SLC26A3: variants seen among roughly 807,000 people sequenced by gnomAD.
The protein encoded by SLC26A3 is chloride anion exchanger.
Under a neutral mutation model 85.6 loss-of-function variants are expected in SLC26A3, and 64 were observed. That is an observed-to-expected ratio of 0.75 (90% confidence interval 0.61 to 0.92). The LOEUF (loss-of-function observed/expected upper bound fraction) is 0.92, where lower values mean the gene tolerates loss of function less well. Among genes scored for constraint, SLC26A3 ranks in the 40% least tolerant of loss-of-function variants. The probability of loss-of-function intolerance (pLI) is 0.00; values close to 1 mark genes in which losing one functional copy is unlikely to be tolerated. For synonymous variants in SLC26A3, 349 were observed against 336.0 expected (o/e 1.04, Z -0.42); for missense variants, 922 against 927.3 (o/e 0.99, Z 0.07).
intron 1 of SLC26A3, among the ~76,000 whole-genome samples, chr7:107,799,509 G>T (rs953413881): frequency 2.6e-5 from 4 of 152,020 alleles, no homozygotes; most frequent in Non-Finnish European, 4.4e-5. Context: ...TCTTGCTTCA[G>T]CCTCCCGAGT....
chr7:107,778,040 G>A, intron 13 of SLC26A3, 135 bp downstream of exon 13: 1 of 716,868 alleles, frequency 1.4e-6, no homozygotes, highest in Admixed American at 2.0e-5. Context: ...CTGGAGGGAG[G>A]ATAAACTGCC....
rs751259567 is a variant in SLC26A3, at chr7:107,774,025, A to G, written c.1902T>C (p.Asp634=). The change falls in exon 17 of 21, where the codon GAT becomes GAC. Residue 634 remains aspartate (D), a synonymous_variant. Coordinates refer to ENST00000340010, the MANE Select transcript of SLC26A3 (RefSeq NM_000111.3). ...DLPFHIDWND[D]LPLNIEVPKI... ...TGGGGACCTCAATGTTGAGAGGAAG[A>G]TCATCATTCCAGTCAATGTGGAAAG... 2.5e-6 allele frequency: 4 copies of G among 1,613,952 alleles called. No homozygotes were observed. The highest frequency in any genetic ancestry group is 3.4e-6 in the Non-Finnish European group (4 of 1,179,918).
intron 20 of SLC26A3, 46 bp from the exon 21 acceptor site, chr7:107,765,924 C>T: frequency 6.4e-7 from 1 of 1,556,090 alleles, no homozygotes; most frequent in Non-Finnish European, 8.9e-7. Flanking sequence ...TCGTCAAGTT[C>T]TGTTACAATA....
At chr7:107,769,032 G>C (rs1276727774) in intron 18 of SLC26A3, among the ~76,000 whole-genome samples, 2 of 152,138 alleles carry the variant, frequency 1.3e-5, no homozygotes. Flanking sequence ...CAAAATATCT[G>C]GGATGATGAG....
rs756632280 is a variant in SLC26A3 at position 107,783,013 on chromosome 7, T to A, written c.1200A>T (p.Ser400=). The A allele has an allele frequency of 3.7e-6, 6 of 1,614,206 alleles. No homozygotes were observed. The highest frequency in any genetic ancestry group is 5.1e-6 in the Non-Finnish European group (6 of 1,180,004). The change falls in exon 10 of 21, where the codon TCA becomes TCT. Residue 400 remains serine (S), a synonymous_variant. Transcript: ENST00000340010. Reference sequence around the variant, plus strand: ...TGCCTCCTGTGCTCTCCTGAACTGCTGATCTGGAGAGGGCAGTACTCCCAG... The same window carrying A: ...TGCCTCCTGTGCTCTCCTGAACTGCAGATCTGGAGAGGGCAGTACTCCCAG... The part of the protein sequence containing the change: ...GFAGSTALSR[S]AVQESTGGKT...
intron 11 of SLC26A3, among the ~76,000 whole-genome samples, chr7:107,782,521 G>A (rs141316613): frequency 2.0e-5 from 3 of 152,152 alleles, no homozygotes; most frequent in African/African-American, 7.2e-5. Context: ...TGGTGCCAGG[G>A]TGCCCTCCTA....
intron 6 of SLC26A3, 24 bp from the exon 7 acceptor site, chr7:107,787,533 A>G: frequency 1.9e-6 from 3 of 1,603,874 alleles, no homozygotes; most frequent in Non-Finnish European, 2.6e-6. Context: ...AACAAAAACC[A>G]CCAAAGCCCT....
chr7:107,801,118 G>A (rs1258175452), intron 1 of SLC26A3, among the ~76,000 whole-genome samples: 1 of 152,178 alleles, frequency 6.6e-6, no homozygotes, highest in African/African-American at 2.4e-5. Context: ...TATTACTGTG[G>A]ATGGAGGCAG....
chr7:107,772,124 G>A lies in SLC26A3; in HGVS notation c.2008-16C>T, dbSNP rs372726360. ...CTTGCAAAATCTGTTAAAAAGAAAA[G>A]TATATCTTCCTTAGGGAACAGTTTC... On this transcript the variant is annotated splice_polypyrimidine_tract_variant and intron_variant, in intron 17 of 20. Coordinates refer to ENST00000340010, the MANE Select transcript of SLC26A3 (RefSeq NM_000111.3). 4 of 1,506,580 alleles carry A rather than the reference G, an allele frequency of 2.7e-6. No homozygotes were observed. In the East Asian group the frequency reaches 9.0e-5, roughly 34 times the overall value. The allele number at this position is 1,506,580 out of a possible 1,614,324, so 93.3% of individuals were successfully genotyped here.
chr7:107,790,734 C>A (rs1794382273), intron 5 of SLC26A3, among the ~76,000 whole-genome samples: 2 of 152,176 alleles, frequency 1.3e-5, no homozygotes, highest in Non-Finnish European at 2.9e-5. Context: ...TATCAATTCC[C>A]AGATATGCTG....
rs139667830 is a variant in SLC26A3 at position 107,775,652 on chromosome 7, A to G, written c.1678-780T>C. Among the ~76,000 whole-genome samples, 1,060 of 151,976 alleles carry G rather than the reference A, an allele frequency of 7.0e-3. 10 individuals are homozygous for G. The highest frequency in any genetic ancestry group is 0.018 in the Admixed American group (277 of 15,258). ...GGGGCTGAGGTAGGGGGATTGCTCA[A>G]ACCCAGGAGTTTGAGGTTGCAGTGA... On this transcript the variant is annotated intron_variant, in intron 15 of 20. Transcript: ENST00000340010.
intron 6 of SLC26A3, among the ~76,000 whole-genome samples, chr7:107,788,684 C>G (rs1794338323): frequency 6.6e-6 from 1 of 151,692 alleles, no homozygotes; most frequent in East Asian, 1.9e-4. Flanking sequence ...TTAACATTAG[C>G]TGTATGGTAG....
chr7:107,788,772 CTTTTTTCTTTTCT>C lies in SLC26A3; in HGVS notation c.735+739_735+751del, dbSNP rs1440511907. On this transcript the variant is annotated intron_variant, in intron 6 of 20. Coordinates refer to ENST00000340010, the MANE Select transcript of SLC26A3 (RefSeq NM_000111.3). Reference sequence around the variant, plus strand: ...TCCTTTTTTCTTTTCTTTTCTTTTTCTTTTTTCTTTTCTTTTTTTTTTTTTTTTTGAGACTATG... The same window carrying C: ...TCCTTTTTTCTTTTCTTTTCTTTTTCTTTTTTTTTTTTTTTTGAGACTATG... Among the ~76,000 whole-genome samples the C allele has an allele frequency of 4.7e-3, 638 of 136,224 alleles. 6 individuals carry two copies. The highest frequency in any genetic ancestry group is 0.016 in the African/African-American group (587 of 36,878). 89.4% of individuals were successfully genotyped at this position (136,224 alleles called of 152,430 possible). A position where few individuals can be genotyped will look rare whatever the true frequency, so the allele number is the denominator to read the frequency against.
At chr7:107,791,434 A>C (rs1327302553) in intron 4 of SLC26A3, among the ~76,000 whole-genome samples, 199 bp from the exon 5 acceptor site, 1 of 152,074 alleles carries the variant, frequency 6.6e-6, no homozygotes, top group African/African-American at 2.4e-5. Context: ...CAACATGGAG[A>C]AGCCTCGTCT....
Position 107,782,865 on chromosome 7 carries a change from G to T in SLC26A3, c.1243C>A (p.Leu415Ile). ...ATCAGCACGATGATGGCACCAATAA[G>T]CCCAGCAATCTGTGAGGATAAAAAA... ...STGGKTQIAGLIGAIIVLIVV... is the reference protein window; with the variant it reads ...STGGKTQIAGIIGAIIVLIVV... Residue 415 changes from leucine to isoleucine, a missense_variant, in exon 11 of 21, where the codon CTT becomes ATT. By Grantham distance (5) the Leu-to-Ile change is conservative (BLOSUM62 2). Transcript: ENST00000340010. 1 of 1,614,018 alleles carries T rather than the reference G, an allele frequency of 6.2e-7. No individual in the cohort carries two copies. Among genetic ancestry groups the T allele is most frequent in the Non-Finnish European group, 8.5e-7 (1 of 1,179,972 alleles).
intron 8 of SLC26A3, among the ~76,000 whole-genome samples, chr7:107,784,993 T>C (rs1024407021): frequency 1.3e-5 from 2 of 152,130 alleles, no homozygotes; most frequent in African/African-American, 4.8e-5. Context: ...TAATAATCAC[T>C]ACCTTCCAGT....
intron 12 of SLC26A3, among the ~76,000 whole-genome samples, chr7:107,779,226 A>G (rs1465473873): frequency 6.6e-6 from 1 of 152,250 alleles, no homozygotes; most frequent in African/African-American, 2.4e-5. Flanking sequence ...ATAGCAAAGC[A>G]TGTGAGAGCA....
intron 16 of SLC26A3, 81 bp from the exon 17 acceptor site, chr7:107,774,234 A>G: frequency 2.6e-6 from 3 of 1,136,322 alleles, no homozygotes; most frequent in Non-Finnish European, 4.0e-6. Context: ...GAGTTTCAGA[A>G]GCACTGATTC....
At chr7:107,776,390 A>C (rs1028301751) in intron 15 of SLC26A3, 62 bp downstream of exon 15, 1 of 1,312,870 alleles carries the variant, frequency 7.6e-7, no homozygotes, top group Non-Finnish European at 1.1e-6. Flanking sequence ...CTTACAGAAC[A>C]ATGACATTCC....
Sources: allele counts gnomAD v4.1 joint callset (sites outside exome capture counted in the v4.1 genomes callset), GRCh38; gene constraint gnomAD v4.1.1; transcripts MANE v1.5; gene names NCBI Gene and HGNC (gene_info 2026-07-23, HGNC 2026-07-21).